MIER1: variants seen among roughly 807,000 people sequenced by gnomAD.
MIER1 encodes mesoderm induction early response protein 1.
Under a neutral mutation model 75.7 loss-of-function variants are expected in MIER1, and 40 were observed. That is an observed-to-expected ratio of 0.53 (90% CI 0.41 to 0.69). MIER1 has a LOEUF of 0.69. Among genes scored for constraint, MIER1 ranks in the 30% least tolerant of loss-of-function variants. The pLI, the probability that MIER1 is intolerant of heterozygous loss-of-function variation, is 0.00. For synonymous variants in MIER1, 213 were observed against 223.4 expected (o/e 0.95, Z 0.42); for missense variants, 574 against 680.2 (o/e 0.84, Z 1.74).
chr1:66,959,522 GT>G (rs1344598825), intron 6 of MIER1, among the ~76,000 whole-genome samples, 156 bp from the exon 7 acceptor site: 1 of 151,884 alleles, frequency 6.6e-6, no homozygotes, highest in African/African-American at 2.4e-5. Flanking sequence ...GTTTTTTTAA[GT>G]GATAGGGTGT....
chr1:66,963,335 A>G (rs111741957), intron 8 of MIER1, among the ~76,000 whole-genome samples, 175 bp downstream of exon 8: 3 of 152,276 alleles, frequency 2.0e-5, no homozygotes, highest in African/African-American at 7.2e-5. Context: ...TGTGTACTCA[A>G]TTTTTTCAGT....
intron 2 of MIER1, among the ~76,000 whole-genome samples, chr1:66,937,866 C>T (rs1655285427): frequency 6.6e-6 from 1 of 152,090 alleles, no homozygotes; most frequent in South Asian, 2.1e-4. Context: ...CTCAATCCTA[C>T]CCCCAAACAT....
chr1:66,983,751 A>G (rs913410621), intron 13 of MIER1, among the ~76,000 whole-genome samples: 6 of 152,164 alleles, frequency 3.9e-5, no homozygotes, highest in African/African-American at 1.4e-4. Context: ...TTTTTGAGAC[A>G]GAGTCTCGCT....
rs142597207 is a variant in MIER1 at position 66,976,518 on chromosome 1, T to G, written c.1102-77T>G. ...CAGTTAAGGACTAGCCAAATTTATT[T>G]TCAAACTTCAGATGTTTATCATGAA... On this transcript the variant is annotated intron_variant, in intron 11 of 13. Transcript: ENST00000401041. The G allele has an allele frequency of 1.9e-4, 271 of 1,427,414 alleles. 1 individual carries two copies. The East Asian group carries it at 4.7e-3, about 25-fold the overall frequency. 88.4% of individuals were successfully genotyped at this position (1,427,414 alleles called of 1,614,324 possible). A position where few individuals can be genotyped will look rare whatever the true frequency, so the allele number is the denominator to read the frequency against.
rs538959973 is a variant in MIER1, at chr1:66,976,539, A to C, written c.1102-56A>C. 6.5e-5 allele frequency: 98 copies of C among 1,497,248 alleles called. No individual in the cohort carries two copies. The African/African-American group carries it at 1.2e-3, about 18-fold the overall frequency. The allele number at this position is 1,497,248 out of a possible 1,614,324, so 92.7% of individuals were successfully genotyped here. On this transcript the variant is annotated intron_variant, in intron 11 of 13. Transcript: ENST00000401041. ...TATTTTCAAACTTCAGATGTTTATC[A>C]TGAAGTAACTTTGTTAAAAAGGAGA...
chr1:66,956,092 G>T (rs1660073405), intron 4 of MIER1, among the ~76,000 whole-genome samples: 1 of 152,148 alleles, frequency 6.6e-6, no homozygotes, highest in South Asian at 2.1e-4. Flanking sequence ...ACACATAGAA[G>T]ATACTTTATG....
At chr1:66,945,275 A>G (rs1313293709) in intron 3 of MIER1, among the ~76,000 whole-genome samples, 56 of 1,938 alleles carry the variant, frequency 0.029, no homozygotes, top group East Asian at 0.083. Flanking sequence ...GTGTATATAT[A>G]TATATATATA....
intron 2 of MIER1, among the ~76,000 whole-genome samples, chr1:66,934,272 G>C (rs564455893): frequency 6.6e-6 from 1 of 152,260 alleles, no homozygotes; most frequent in African/African-American, 2.4e-5. Context: ...TTTGATCATA[G>C]AGAAAATGAA....
At chr1:66,969,499 C>T (rs368018142) in intron 8 of MIER1, among the ~76,000 whole-genome samples, 13 of 126,048 alleles carry the variant, frequency 1.0e-4, no homozygotes, top group Middle Eastern at 5.4e-3. Context: ...GAGCCAAGAT[C>T]GCGCCACTGC....
At position 66,988,344 on chromosome 1, in the gene MIER1, CA is replaced by C. The variant is rs1558140009; in HGVS notation, c.*3446del. The C allele has an allele frequency of 6.6e-6, 1 of 152,112 alleles. No homozygotes were observed. The highest frequency in any genetic ancestry group is 1.5e-5 in the Non-Finnish European group (1 of 67,860). 9.4% of individuals were successfully genotyped at this position (152,112 alleles called of 1,614,324 possible). Reference sequence around the variant, plus strand: ...AAAAATTAACTCTCTTCTTTAATATCAAGTTCATCCTTTGCAGAATCTTAAA... The same window carrying C: ...AAAAATTAACTCTCTTCTTTAATATCAGTTCATCCTTTGCAGAATCTTAAA... On this transcript the variant is annotated 3_prime_UTR_variant, in exon 14 of 14. Coordinates refer to ENST00000401041, the MANE Select transcript of MIER1 (RefSeq NM_001077700.3).
At chr1:66,925,153 C>T (rs1651193130) in intron 1 of MIER1, 58 bp downstream of exon 1, 5 of 1,532,826 alleles carry the variant, frequency 3.3e-6, no homozygotes, top group African/African-American at 1.4e-5. Flanking sequence ...GGATGAGGGG[C>T]TCCTGAGGTG....
intron 1 of MIER1, chr1:66,925,347 G>C: frequency 1.0e-6 from 1 of 985,384 alleles, no homozygotes. Context: ...TTTTGCCTTC[G>C]CGGTGGTGGC....
chr1:66,981,550 G>T (rs1665890025), intron 12 of MIER1, among the ~76,000 whole-genome samples: 2 of 152,034 alleles, frequency 1.3e-5, no homozygotes, highest in African/African-American at 2.4e-5. Flanking sequence ...TTTCCTATGG[G>T]TCTCTAAAAT....
chr1:66,936,817 G>A (rs1005370410), intron 2 of MIER1, among the ~76,000 whole-genome samples: 2 of 151,358 alleles, frequency 1.3e-5, no homozygotes, highest in African/African-American at 2.4e-5. Context: ...TGGCCAACAT[G>A]TGTGAAACCC....
At chr1:66,946,988 T>C in intron 4 of MIER1, 1 of 985,468 alleles carries the variant, frequency 1.0e-6, no homozygotes, top group Non-Finnish European at 1.2e-6. Context: ...GTTTGGACCT[T>C]CTTTTTTTCT....
chr1:66,972,812 G>GA (rs1663968134), intron 10 of MIER1, 85 bp from the exon 11 acceptor site: 2 of 690,184 alleles, frequency 2.9e-6, no homozygotes, highest in African/African-American at 1.8e-5. Flanking sequence ...ATTTTTACGA[G>GA]AAGGTTAAGT....
At position 66,976,590 on chromosome 1, in the gene MIER1, T is replaced by C; in HGVS notation, c.1102-5T>C. On this transcript the variant is annotated splice_polypyrimidine_tract_variant and splice_region_variant and intron_variant, in intron 11 of 13. Coordinates refer to ENST00000401041, the MANE Select transcript of MIER1 (RefSeq NM_001077700.3). ...TTCTTAAAAGCAAGCATTTGTTTCT[T>C]ACAGGTCCGAACAAGGTCAGTTGGT... 6.4e-7 allele frequency: 1 copy of C among 1,563,190 alleles called. No individual in the cohort carries two copies. Among genetic ancestry groups the C allele is most frequent in the Non-Finnish European group, 8.6e-7 (1 of 1,157,326 alleles).
At chr1:66,936,800 A>G (rs1173831531) in intron 2 of MIER1, among the ~76,000 whole-genome samples, 1 of 151,706 alleles carries the variant, frequency 6.6e-6, no homozygotes, top group African/African-American at 2.4e-5. Context: ...GGAGATCGAG[A>G]CCATCCTGGC....
Position 66,987,951 on chromosome 1 carries a change from A to G in MIER1, c.*3051A>G, listed in dbSNP as rs1384129759. On this transcript the variant is annotated 3_prime_UTR_variant, in exon 14 of 14. Transcript: ENST00000401041. ...TCTCTTCTGCTGGATTATATAATTT[A>G]AAAATAATGTGTTCCCGTATTTTGT... The G allele has an allele frequency of 2.0e-5, 3 of 152,284 alleles. No homozygotes were observed. The highest frequency in any genetic ancestry group is 4.4e-5 in the Non-Finnish European group (3 of 68,012). The allele number at this position is 152,284 out of a possible 1,614,324, so 9.4% of individuals were successfully genotyped here. A position where few individuals can be genotyped will look rare whatever the true frequency, so the allele number is the denominator to read the frequency against.
Sources: allele counts gnomAD v4.1 joint callset (sites outside exome capture counted in the v4.1 genomes callset), GRCh38; gene constraint gnomAD v4.1.1; transcripts MANE v1.5; gene names NCBI Gene and HGNC (gene_info 2026-07-23, HGNC 2026-07-21).